The following CDH12 variants were observed in gnomAD, a reference collection of about 807,000 sequenced individuals.
The protein encoded by CDH12 is cadherin-12.
A neutral mutation model predicts 74.1 loss-of-function variants in CDH12; 41 were observed. That is an observed-to-expected ratio of 0.55 (90% CI 0.43 to 0.72). The LOEUF (loss-of-function observed/expected upper bound fraction) is 0.72, where lower values mean the gene tolerates loss of function less well. Among genes scored for constraint, CDH12 ranks in the 30% least tolerant of loss-of-function variants. The pLI, the probability that CDH12 is intolerant of heterozygous loss-of-function variation, is 0.00. For missense variants in CDH12, 945 were observed against 977.2 expected, an observed-to-expected ratio of 0.97 and a Z score of 0.44; for synonymous variants, 399 against 355.0, an observed-to-expected ratio of 1.12 and a Z score of -1.39.
chr5:22,096,112 C>T (rs1270019818), intron 4 of CDH12, among the ~76,000 whole-genome samples: 1 of 151,932 alleles, frequency 6.6e-6, no homozygotes, highest in Non-Finnish European at 1.5e-5. Context: ...ATTCCTCCTT[C>T]TCCCTTAGCC....
rs112884095 is a variant in CDH12, at chr5:21,783,428, G to T, written c.1323C>A (p.Ile441=). Residue 441 remains isoleucine (I), a synonymous_variant, in exon 11 of 15, where the codon ATC becomes ATA. Coordinates refer to ENST00000382254, the MANE Select transcript of CDH12 (RefSeq NM_004061.5). ...YFTIDGNEGT[I]ATNELLDRES... ...CTCTGTCTAGTAATTCATTAGTGGC[G>T]ATGGTTCCTTCATTTCCATCTATTG... 1 of 1,606,980 alleles carries T rather than the reference G, an allele frequency of 6.2e-7. No individual in the cohort carries two copies. Among genetic ancestry groups the T allele is most frequent in the Non-Finnish European group, 8.5e-7 (1 of 1,173,588 alleles).
chr5:22,815,178 G>A (rs538178951), intron 1 of CDH12, among the ~76,000 whole-genome samples: 35 of 152,210 alleles, frequency 2.3e-4, no homozygotes, highest in African/African-American at 5.8e-4. Context: ...GGGACAAGAT[G>A]TAACTCACCA....
In CDH12 at chr5:21,849,207, C is replaced by G. The variant is rs369327239; in HGVS notation, c.646+5464G>C. 2.1e-4 allele frequency among the ~76,000 whole-genome samples: 32 copies of G among 151,958 alleles called. 1 individual carries two copies. In the East Asian group the frequency reaches 4.8e-3, roughly 23 times the overall value. On this transcript the variant is annotated intron_variant, in intron 7 of 14. Transcript: ENST00000382254. Reference sequence around the variant, plus strand: ...TCCTCTCAAGCAGCACAGAATACATCTAGTTCCTCTTCTACATGACAGCTC... The same window carrying G: ...TCCTCTCAAGCAGCACAGAATACATGTAGTTCCTCTTCTACATGACAGCTC...
chr5:21,855,297 A>G lies in CDH12; in HGVS notation c.527-507T>C, dbSNP rs78803706. On this transcript the variant is annotated intron_variant, in intron 6 of 14. Transcript: ENST00000382254. The stretch of plus-strand genomic sequence containing the variant: ...ATATTTGAGAAATTGAGAAACCATA[A>G]ATAATTGCAAAATAGTTATAAGAGC... Among the ~76,000 whole-genome samples, 194 of 151,824 alleles carry G rather than the reference A, an allele frequency of 1.3e-3. 4 individuals carry two copies. In the East Asian group the frequency reaches 0.036, roughly 28 times the overall value.
chr5:21,773,676 T>A (rs1366918734), intron 11 of CDH12, among the ~76,000 whole-genome samples: 1 of 152,192 alleles, frequency 6.6e-6, no homozygotes, highest in African/African-American at 2.4e-5. Flanking sequence ...CTTGTGATCC[T>A]GTGAATCAAT....
intron 1 of CDH12, among the ~76,000 whole-genome samples, chr5:22,598,494 G>T (rs917263457): frequency 2.0e-5 from 3 of 152,076 alleles, no homozygotes; most frequent in Non-Finnish European, 2.9e-5. Flanking sequence ...GTTTCATGAG[G>T]CCTCCCCAGA....
At chr5:22,729,935 T>C (rs915341793) in intron 1 of CDH12, among the ~76,000 whole-genome samples, 2 of 151,862 alleles carry the variant, frequency 1.3e-5, no homozygotes, top group African/African-American at 4.8e-5. Context: ...AATGAACATA[T>C]ACAAAATTAT....
chr5:22,136,672 T>C (rs1580306180), intron 4 of CDH12, among the ~76,000 whole-genome samples: 2 of 151,078 alleles, frequency 1.3e-5, no homozygotes, highest in Middle Eastern at 6.8e-3. Context: ...TTCATATTAA[T>C]AGAAGCATGT....
intron 1 of CDH12, among the ~76,000 whole-genome samples, chr5:22,704,226 C>T (rs1034628257): frequency 5.9e-5 from 9 of 151,946 alleles, no homozygotes; most frequent in East Asian, 3.9e-4. Flanking sequence ...AGAGAGGCAG[C>T]GAAAGGCAGC....
chr5:22,279,522 TC>T (rs1736785541), intron 3 of CDH12, among the ~76,000 whole-genome samples: 2 of 151,840 alleles, frequency 1.3e-5, no homozygotes. Context: ...TTATCCCTCC[TC>T]CCCTCCCCCC....
chr5:22,047,431 T>C (rs1740030708), intron 5 of CDH12, among the ~76,000 whole-genome samples: 2 of 152,162 alleles, frequency 1.3e-5, no homozygotes, highest in African/African-American at 2.4e-5. Flanking sequence ...TGACAACTTA[T>C]TTGGGAATTT....
At chr5:22,384,443 G>A (rs919611830) in intron 3 of CDH12, among the ~76,000 whole-genome samples, 4 of 142,082 alleles carry the variant, frequency 2.8e-5, no homozygotes, top group African/African-American at 7.7e-5. Context: ...GGAGAATGGC[G>A]TGAACCCGGG....
intron 6 of CDH12, among the ~76,000 whole-genome samples, chr5:21,927,942 G>A (rs184944497): frequency 1.5e-4 from 22 of 151,220 alleles, no homozygotes; most frequent in African/African-American, 5.1e-4. Context: ...CTTGGTAGCT[G>A]GCGCCTGCAG....
intron 2 of CDH12, among the ~76,000 whole-genome samples, chr5:22,495,477 A>T (rs1747068429): frequency 1.3e-5 from 2 of 152,108 alleles, no homozygotes; most frequent in African/African-American, 4.8e-5. Flanking sequence ...GTATCCAAGG[A>T]CCTTATGTCT....
At chr5:22,065,061 A>G (rs958559853) in intron 5 of CDH12, among the ~76,000 whole-genome samples, 1 of 152,158 alleles carries the variant, frequency 6.6e-6, no homozygotes, top group Non-Finnish European at 1.5e-5. Flanking sequence ...TCTTAACTCC[A>G]TCTTGGGAGA....
At chr5:21,970,369 T>C (rs1273004420) in intron 6 of CDH12, among the ~76,000 whole-genome samples, 2 of 152,162 alleles carry the variant, frequency 1.3e-5, no homozygotes, top group Non-Finnish European at 2.9e-5. Context: ...GCTCAAGGGA[T>C]AAGAGAATAT....
At chr5:22,531,072 G>T (rs2126703302) in intron 1 of CDH12, among the ~76,000 whole-genome samples, 1 of 152,128 alleles carries the variant, frequency 6.6e-6, no homozygotes, top group African/African-American at 2.4e-5. Flanking sequence ...TTGGGGAAGA[G>T]AACTGTTCTC....
At chr5:22,738,394 G>T (rs1455762053) in intron 1 of CDH12, among the ~76,000 whole-genome samples, 1 of 152,028 alleles carries the variant, frequency 6.6e-6, no homozygotes, top group Non-Finnish European at 1.5e-5. Flanking sequence ...CAGCCAAATT[G>T]ACAATGTCTG....
At chr5:21,933,287 T>A (rs553838703) in intron 6 of CDH12, among the ~76,000 whole-genome samples, 2 of 152,142 alleles carry the variant, frequency 1.3e-5, no homozygotes. Flanking sequence ...TACGTTGAAA[T>A]TAAATATGAG....
Sources: gnomAD v4.1 joint callset for allele counts (sites outside exome capture counted in the v4.1 genomes callset) on GRCh38, gnomAD v4.1.1 for gene constraint, MANE v1.5 for transcripts, NCBI Gene and HGNC (gene_info 2026-07-23, HGNC 2026-07-21) for gene names.